The following CAMK2B variants were observed in gnomAD, a reference collection of about 807,000 sequenced individuals.
The protein encoded by CAMK2B is calcium/calmodulin dependent protein kinase II beta.
Under a neutral mutation model 93.7 loss-of-function variants are expected in CAMK2B, and 27 were observed. The ratio of observed to expected loss-of-function variants is 0.29; its 90% confidence interval spans 0.21 to 0.40. The LOEUF (loss-of-function observed/expected upper bound fraction) is 0.40, where lower values mean the gene tolerates loss of function less well. CAMK2B is among the 10% of genes least tolerant of loss of function. CAMK2B has a pLI of 1.00. For missense variants in CAMK2B, 568 were observed against 895.8 expected, an observed-to-expected ratio of 0.63 and a Z score of 4.67; for synonymous variants, 374 against 358.8, an observed-to-expected ratio of 1.04 and a Z score of -0.48.
In CAMK2B at chr7:44,243,664, G is replaced by A. The variant is rs2096703738; in HGVS notation, c.415-137C>T. On this transcript the variant is annotated intron_variant, in intron 6 of 23. Transcript: ENST00000395749. Reference sequence around the variant, plus strand: ...TGCACAGGTCTGAGCCCTGCCCCATGGTGTCTGCAGGGCATGGCTGAGCCT... The same window carrying A: ...TGCACAGGTCTGAGCCCTGCCCCATAGTGTCTGCAGGGCATGGCTGAGCCT... 5 of 672,856 alleles carry A rather than the reference G, an allele frequency of 7.4e-6. No homozygotes were observed. In the South Asian group the frequency reaches 8.6e-5, roughly 12 times the overall value. The allele number at this position is 672,856 out of a possible 1,614,324, so 41.7% of individuals were successfully genotyped here.
In CAMK2B at chr7:44,226,659, A is replaced by T. The variant is rs779771356; in HGVS notation, c.1469-15T>A. 1.9e-5 allele frequency: 29 copies of T among 1,528,482 alleles called. No homozygotes were observed. The highest frequency in any genetic ancestry group is 2.5e-5 in the Non-Finnish European group (29 of 1,147,098). 94.7% of individuals were successfully genotyped at this position (1,528,482 alleles called of 1,614,324 possible). A position where few individuals can be genotyped will look rare whatever the true frequency, so the allele number is the denominator to read the frequency against. On this transcript the variant is annotated splice_polypyrimidine_tract_variant and intron_variant, in intron 19 of 23. Coordinates refer to ENST00000395749, the MANE Select transcript of CAMK2B (RefSeq NM_001220.5). ...GATCCTGGGGGCTGGGGCGGAACAG[A>T]CGAGACGTGAACACAAGGCAGGCAC... is the stretch of plus-strand genomic sequence containing the variant.
At chr7:44,253,424 G>T (rs926038986) in intron 5 of CAMK2B, among the ~76,000 whole-genome samples, 1 of 152,132 alleles carries the variant, frequency 6.6e-6, no homozygotes, top group African/African-American at 2.4e-5. Context: ...TGTTGGTCAG[G>T]TTGGCCTGGA....
At chr7:44,304,657 T>C (rs1043841813) in intron 1 of CAMK2B, among the ~76,000 whole-genome samples, 12 of 152,230 alleles carry the variant, frequency 7.9e-5, no homozygotes, top group African/African-American at 2.9e-4. Context: ...CTACTCTGTG[T>C]GACACTGTAA....
intron 2 of CAMK2B, among the ~76,000 whole-genome samples, chr7:44,278,513 T>C (rs2097071850): frequency 6.6e-6 from 1 of 151,862 alleles, no homozygotes; most frequent in Non-Finnish European, 1.5e-5. Context: ...CCTCCTCAGC[T>C]AGGAAAGCCC....
In CAMK2B at chr7:44,237,454, C is replaced by T. The variant is rs114774620; in HGVS notation, c.1021+2135G>A. Among the ~76,000 whole-genome samples, 678 of 152,366 alleles carry T rather than the reference C, an allele frequency of 4.4e-3. 6 individuals are homozygous for T. The highest frequency in any genetic ancestry group is 0.016 in the African/African-American group (654 of 41,582). On this transcript the variant is annotated intron_variant, in intron 13 of 23. Transcript: ENST00000395749. The stretch of plus-strand genomic sequence containing the variant: ...GAGCTCTGGGAAGCCCTGCAGCAGA[C>T]GTCCCTGTTGTCTCAGTCAGTTCCC...
chr7:44,272,894 G>A lies in CAMK2B; in HGVS notation c.161-9830C>T, dbSNP rs150875587. 3.9e-3 allele frequency among the ~76,000 whole-genome samples: 597 copies of A among 152,330 alleles called. 28 individuals carry two copies. Among genetic ancestry groups the A allele is most frequent in the Admixed American group, 0.032 (488 of 15,298 alleles). On this transcript the variant is annotated intron_variant, in intron 2 of 23. Transcript: ENST00000395749. ...GCGGGGTGCAGCTCAGCTTTGAAAC[G>A]GAGGTGTGGCTTGGAATTCCTTCCC...
At chr7:44,234,583 G>T in intron 14 of CAMK2B, 56 bp downstream of exon 14, 1 of 1,606,016 alleles carries the variant, frequency 6.2e-7, no homozygotes, top group Non-Finnish European at 8.5e-7. Context: ...AGGGCGTGGG[G>T]GTGAAGCTGC....
In CAMK2B at chr7:44,308,289, A is replaced by G. The variant is rs982571943; in HGVS notation, c.65+17068T>C. On this transcript the variant is annotated intron_variant, in intron 1 of 23. Transcript: ENST00000395749. ...CCTGAGAAATTCCAGGGACAAGCTG[A>G]GCTGTGGGATGAAAGAAGTGCCCAT... is the stretch of plus-strand genomic sequence containing the variant. 2.0e-5 allele frequency among the ~76,000 whole-genome samples: 3 copies of G among 152,304 alleles called. No individual in the cohort carries two copies. The East Asian group carries it at 5.8e-4, about 29-fold the overall frequency.
chr7:44,295,146 T>G (rs562414381), intron 1 of CAMK2B, among the ~76,000 whole-genome samples: 1 of 152,334 alleles, frequency 6.6e-6, no homozygotes, highest in South Asian at 2.1e-4. Context: ...AACAGGTGCC[T>G]ACCTCAAATC....
chr7:44,229,526 C>T lies in CAMK2B; in HGVS notation c.1226-25G>A, dbSNP rs775569655. On this transcript the variant is annotated intron_variant, in intron 17 of 23. Transcript: ENST00000395749. ...GCTGAGGCGGAACAGGTGAGGCAGGCAGGTGGGTGGTGCGCCCGCAGGAAA... is the reference window on the plus strand; with the variant it reads ...GCTGAGGCGGAACAGGTGAGGCAGGTAGGTGGGTGGTGCGCCCGCAGGAAA... 5.6e-6 allele frequency: 7 copies of T among 1,245,066 alleles called. No homozygotes were observed. The South Asian group carries it at 1.4e-4, about 24-fold the overall frequency. 77.1% of individuals were successfully genotyped at this position (1,245,066 alleles called of 1,614,324 possible). A position where few individuals can be genotyped will look rare whatever the true frequency, so the allele number is the denominator to read the frequency against.
intron 3 of CAMK2B, among the ~76,000 whole-genome samples, chr7:44,262,197 G>A (rs1777173955): frequency 1.3e-5 from 2 of 152,212 alleles, no homozygotes; most frequent in Non-Finnish European, 2.9e-5. Flanking sequence ...GTCCCCAGCT[G>A]TTCCTTTGGA....
chr7:44,298,195 A>T (rs945389726), intron 1 of CAMK2B, among the ~76,000 whole-genome samples: 2 of 152,226 alleles, frequency 1.3e-5, no homozygotes, highest in African/African-American at 4.8e-5. Context: ...ATAAGGACAG[A>T]CACAGAGACT....
At chr7:44,280,976 T>C (rs1354749248) in intron 2 of CAMK2B, among the ~76,000 whole-genome samples, 1 of 152,214 alleles carries the variant, frequency 6.6e-6, no homozygotes, top group African/African-American at 2.4e-5. Context: ...TTGAGGTTCC[T>C]GCTCTTCCTG....
At position 44,225,363 on chromosome 7, in the gene CAMK2B, C is replaced by T. The variant is rs1024082444; in HGVS notation, c.1597+1153G>A. Among the ~76,000 whole-genome samples the T allele has an allele frequency of 5.3e-5, 8 of 152,244 alleles. No homozygotes were observed. Among genetic ancestry groups the T allele is most frequent in the South Asian group, 4.1e-4 (2 of 4,824 alleles). On this transcript the variant is annotated intron_variant, in intron 20 of 23. Transcript: ENST00000395749. This position sits in a 1 kb window ranked among gnomAD's most constrained non-coding sequence, Gnocchi z 5.0. Reference sequence around the variant, plus strand: ...GTTCTGACCACTCCCAGAGGCTCTGCGGTGCACCCACCCCAGCTGCACGGC... The same window carrying T: ...GTTCTGACCACTCCCAGAGGCTCTGTGGTGCACCCACCCCAGCTGCACGGC...
At chr7:44,263,251 C>T (rs536229319) in intron 2 of CAMK2B, among the ~76,000 whole-genome samples, 187 bp from the exon 3 acceptor site, 1 of 152,206 alleles carries the variant, frequency 6.6e-6, no homozygotes, top group Non-Finnish European at 1.5e-5. Context: ...GGGGCAGGGA[C>T]CAGCCGGCTT....
At chr7:44,280,241 G>A (rs1015100692) in intron 2 of CAMK2B, among the ~76,000 whole-genome samples, 2 of 152,234 alleles carry the variant, frequency 1.3e-5, no homozygotes, top group Non-Finnish European at 2.9e-5. Flanking sequence ...TCCCAAAGGA[G>A]AGGCTGGCAG....
At chr7:44,241,885 G>A (rs763567865) in intron 10 of CAMK2B, 102 bp from the exon 11 acceptor site, 26 of 861,842 alleles carry the variant, frequency 3.0e-5, no homozygotes, top group Non-Finnish European at 4.9e-5. Flanking sequence ...CTTGCCAAGA[G>A]CCACCGGCCA....
At chr7:44,255,410 A>C (rs758999104) in intron 4 of CAMK2B, among the ~76,000 whole-genome samples, 37 of 152,292 alleles carry the variant, frequency 2.4e-4, no homozygotes, top group Non-Finnish European at 8.8e-5. Flanking sequence ...AGCCCTCTGC[A>C]GGTCTGCCCA....
rs1459526930 is a variant in CAMK2B at position 44,231,067 on chromosome 7, G to A, written c.1177-13C>T. ...TGTCAGAAGACTCCTGAGGAAACAC[G>A]GGAGGCAGCGGGTCAGGATGCGGCC... On this transcript the variant is annotated splice_polypyrimidine_tract_variant and intron_variant, in intron 16 of 23. Transcript: ENST00000395749. 41 of 1,552,468 alleles carry A rather than the reference G, an allele frequency of 2.6e-5. No individual in the cohort carries two copies. The Middle Eastern group carries it at 1.0e-3, about 38-fold the overall frequency.
Sources: allele counts gnomAD v4.1 joint callset (sites outside exome capture counted in the v4.1 genomes callset), GRCh38; gene constraint gnomAD v4.1.1; non-coding constraint Gnocchi (gnomAD v3.1); transcripts MANE v1.5; gene names NCBI Gene and HGNC (gene_info 2026-07-23, HGNC 2026-07-21).